Variants in LAMB3 observed in about 807,000 individuals in gnomAD.
LAMB3 encodes laminin subunit beta 3.
A neutral mutation model predicts 140.3 loss-of-function variants in LAMB3; 104 were observed. The observed-to-expected ratio is 0.74, with a 90% CI of 0.63 to 0.87. The LOEUF (loss-of-function observed/expected upper bound fraction) is 0.87, where lower values mean the gene tolerates loss of function less well. Among genes scored for constraint, LAMB3 ranks in the 40% least tolerant of loss-of-function variants. The probability of loss-of-function intolerance (pLI) is 0.00; values close to 1 mark genes in which losing one functional copy is unlikely to be tolerated. For synonymous variants in LAMB3, 592 were observed against 602.9 expected (o/e 0.98, Z 0.26); for missense variants, 1,531 against 1,575.2 (o/e 0.97, Z 0.47).
chr1:209,634,111 A>G (rs1215164533), intron 6 of LAMB3, among the ~76,000 whole-genome samples: 1 of 152,198 alleles, frequency 6.6e-6, no homozygotes, highest in Non-Finnish European at 1.5e-5. Context: ...TCTAACTAGC[A>G]TCCCAAAGTC....
chr1:209,647,572 C>A (rs1307783728), intron 3 of LAMB3, among the ~76,000 whole-genome samples: 1 of 152,174 alleles, frequency 6.6e-6, no homozygotes, highest in African/African-American at 2.4e-5. Flanking sequence ...GAGGCACTAG[C>A]CAGAGGCCTT....
At chr1:209,632,872 G>A (rs562622892) in intron 7 of LAMB3, 96 bp from the exon 8 acceptor site, 63 of 1,269,682 alleles carry the variant, frequency 5.0e-5, no homozygotes, top group Middle Eastern at 1.8e-4. Flanking sequence ...ATGTGATACC[G>A]TGGGCCATCC....
chr1:209,632,589 A>G lies in LAMB3; in HGVS notation c.816T>C (p.Ala272=), dbSNP rs761804631. ...TCCCACCCTAGGCTGTTACCTGCAC[A>G]GCGGTGGAGGGGCCTGCAGAGGCCC... ...KPGASAGPST[A]VQVHDVCVCQ... is the part of the protein sequence containing the mutation. Residue 272 remains alanine (A), a synonymous_variant, in exon 8 of 23, where the codon GCT becomes GCC. Transcript: ENST00000356082. 1.2e-6 allele frequency: 2 copies of G among 1,613,694 alleles called. No individual in the cohort carries two copies. Among genetic ancestry groups the G allele is most frequent in the Admixed American group, 3.3e-5 (2 of 60,014 alleles).
In LAMB3 at chr1:209,615,143, G is replaced by A; in HGVS notation, c.*128C>T. The A allele has an allele frequency of 8.6e-7, 1 of 1,165,944 alleles. No individual in the cohort carries two copies. Among genetic ancestry groups the A allele is most frequent in the Non-Finnish European group, 1.2e-6 (1 of 800,402 alleles). 72.2% of individuals were successfully genotyped at this position (1,165,944 alleles called of 1,614,324 possible). A position where few individuals can be genotyped will look rare whatever the true frequency, so the allele number is the denominator to read the frequency against. Reference sequence around the variant, plus strand: ...GGTAATCTTACTAGCTACACACCAGGGGTGGTCCAGGCTGTACTTTAGGCT... The same window carrying A: ...GGTAATCTTACTAGCTACACACCAGAGGTGGTCCAGGCTGTACTTTAGGCT... On this transcript the variant is annotated 3_prime_UTR_variant, in exon 23 of 23. Transcript: ENST00000356082.
intron 14 of LAMB3, among the ~76,000 whole-genome samples, chr1:209,625,316 C>A (rs1269555962): frequency 6.6e-6 from 1 of 152,158 alleles, no homozygotes; most frequent in Admixed American, 6.5e-5. Flanking sequence ...ATGCCCTCCG[C>A]CAGGGTGACT....
intron 22 of LAMB3, 109 bp from the exon 23 acceptor site, chr1:209,615,516 T>C: frequency 7.6e-7 from 1 of 1,307,942 alleles, no homozygotes. Flanking sequence ...TGTAGAGGAA[T>C]CCCCTCCAGA....
Position 209,631,296 on chromosome 1 carries a change from T to G in LAMB3, c.823-561A>C, listed in dbSNP as rs556117770. ...ATGTTAGCTGCATTCTCAGCTCCCA[T>G]GTCCTGCTGACAGCATAGCAAGATG... On this transcript the variant is annotated intron_variant, in intron 8 of 22. Transcript: ENST00000356082. 2.1e-4 allele frequency among the ~76,000 whole-genome samples: 32 copies of G among 152,352 alleles called. 1 individual carries two copies. Among genetic ancestry groups the G allele is most frequent in the African/African-American group, 7.5e-4 (31 of 41,580 alleles).
intron 20 of LAMB3, 62 bp downstream of exon 20, chr1:209,617,845 C>T: frequency 6.2e-7 from 1 of 1,605,280 alleles, no homozygotes; most frequent in Non-Finnish European, 8.5e-7. Context: ...ATTTTCTATG[C>T]CTGGTGCCCA....
intron 5 of LAMB3, among the ~76,000 whole-genome samples, chr1:209,635,741 G>A (rs895732922): frequency 1.3e-5 from 2 of 152,202 alleles, no homozygotes; most frequent in African/African-American, 4.8e-5. Context: ...TGCCATGTTG[G>A]CCAGGCTGGT....
chr1:209,622,089 G>A (rs1434038774), intron 18 of LAMB3, among the ~76,000 whole-genome samples: 1 of 152,200 alleles, frequency 6.6e-6, no homozygotes, highest in Non-Finnish European at 1.5e-5. Context: ...CAGACAAAGA[G>A]CAAATAAACA....
At chr1:209,628,871 T>A (rs1035114285) in intron 10 of LAMB3, among the ~76,000 whole-genome samples, 1 of 152,194 alleles carries the variant, frequency 6.6e-6, no homozygotes, top group Non-Finnish European at 1.5e-5. Flanking sequence ...GTAATCTTCA[T>A]GATAATCCTG....
At chr1:209,619,889 G>C (rs904513582) in intron 18 of LAMB3, among the ~76,000 whole-genome samples, 1 of 152,184 alleles carries the variant, frequency 6.6e-6, no homozygotes, top group Admixed American at 6.5e-5. Flanking sequence ...GTGTCCCTCG[G>C]GGCTTGCATG....
intron 3 of LAMB3, among the ~76,000 whole-genome samples, chr1:209,646,171 T>G (rs1558168040): frequency 1.3e-5 from 2 of 152,130 alleles, no homozygotes; most frequent in African/African-American, 4.8e-5. Context: ...GGAGACATTG[T>G]CGGGAGCAGA....
chr1:209,645,400 T>C (rs1255515229), intron 3 of LAMB3, among the ~76,000 whole-genome samples: 3 of 152,114 alleles, frequency 2.0e-5, no homozygotes, highest in African/African-American at 7.2e-5. Flanking sequence ...TAGACCTGCT[T>C]AGGGCTTCTG....
At position 209,651,878 on chromosome 1, in the gene LAMB3, C is replaced by T. The variant is rs557671519; in HGVS notation, c.-38+491G>A. Among the ~76,000 whole-genome samples the T allele has an allele frequency of 4.5e-4, 27 of 60,036 alleles. No individual in the cohort carries two copies. In the East Asian group the frequency reaches 0.012, roughly 26 times the overall value. The allele number at this position is 60,036 out of a possible 152,430, so 39.4% of individuals were successfully genotyped here. A position where few individuals can be genotyped will look rare whatever the true frequency, so the allele number is the denominator to read the frequency against. ...GGCTGGGGGCTTGGCAAGGCAGGGG[C>T]GGGGGGGGAAATTGAGGACATTTCT... On this transcript the variant is annotated intron_variant, in intron 1 of 22. Transcript: ENST00000356082.
At chr1:209,646,515 G>C (rs533584397) in intron 3 of LAMB3, among the ~76,000 whole-genome samples, 118 of 152,262 alleles carry the variant, frequency 7.7e-4, no homozygotes, top group African/African-American at 2.7e-3. Flanking sequence ...CCCAGTCTGG[G>C]GTGACTTCAC....
Position 209,623,285 on chromosome 1 carries a change from C to T in LAMB3, c.2359-106G>A, listed in dbSNP as rs1666277857. 1.7e-6 allele frequency: 2 copies of T among 1,202,732 alleles called. No individual in the cohort carries two copies. The highest frequency in any genetic ancestry group is 2.6e-5 in the South Asian group (2 of 78,320). 74.5% of individuals were successfully genotyped at this position (1,202,732 alleles called of 1,614,324 possible). ...GCCAGACATCTCCATGACAACCAAG[C>T]ACCAGAAACAGCCAGACATCTCCAT... On this transcript the variant is annotated intron_variant, in intron 16 of 22. Coordinates refer to ENST00000356082, the MANE Select transcript of LAMB3 (RefSeq NM_000228.3). This position sits in a 1 kb window ranked among gnomAD's most constrained non-coding sequence, Gnocchi z 4.2.
intron 4 of LAMB3, 69 bp from the exon 5 acceptor site, chr1:209,638,050 G>A: frequency 7.8e-7 from 1 of 1,282,280 alleles, no homozygotes; most frequent in Non-Finnish European, 1.1e-6. Flanking sequence ...AGGAAGCCCT[G>A]GATTAGACTA....
chr1:209,641,970 G>C (rs1352132135), intron 3 of LAMB3, among the ~76,000 whole-genome samples: 1 of 152,132 alleles, frequency 6.6e-6, no homozygotes, highest in African/African-American at 2.4e-5. Context: ...CCTGTCACCA[G>C]AGCTTTCTCC....
Sources: gnomAD v4.1 joint callset for allele counts (sites outside exome capture counted in the v4.1 genomes callset) on GRCh38, gnomAD v4.1.1 for gene constraint, Gnocchi (gnomAD v3.1) non-coding constraint, MANE v1.5 for transcripts, NCBI Gene and HGNC (gene_info 2026-07-23, HGNC 2026-07-21) for gene names.